The following SPON1 variants were observed in gnomAD, a reference collection of about 807,000 sequenced individuals.
SPON1 encodes spondin-1.
Under a neutral mutation model 111.7 loss-of-function variants are expected in SPON1, and 52 were observed. The observed-to-expected ratio is 0.47, with a 90% CI of 0.37 to 0.59. The LOEUF is 0.59. Ranked by LOEUF, SPON1 falls within the 20% of genes least tolerant of loss-of-function variation. SPON1 has a pLI of 0.00. For synonymous variants in SPON1, 410 were observed against 395.8 expected (o/e 1.04, Z -0.43); for missense variants, 957 against 1,068.5 (o/e 0.90, Z 1.46).
chr11:14,149,154 G>A (rs571617180), intron 6 of SPON1, among the ~76,000 whole-genome samples: 1 of 152,220 alleles, frequency 6.6e-6, no homozygotes, highest in South Asian at 2.1e-4. Flanking sequence ...TGTTATCCTA[G>A]AAGCTGAAAG....
intron 5 of SPON1, among the ~76,000 whole-genome samples, chr11:14,126,075 C>CT (rs782356393): frequency 2.0e-5 from 3 of 152,216 alleles, no homozygotes; most frequent in African/African-American, 4.8e-5. Context: ...GAGAGTCTGC[C>CT]TTTTATGTTC....
At chr11:14,231,369 G>A (rs797035763) in intron 6 of SPON1, among the ~76,000 whole-genome samples, 56 of 152,168 alleles carry the variant, frequency 3.7e-4, no homozygotes, top group African/African-American at 1.3e-3. Context: ...TCCTGACCGC[G>A]TGATCCACCT....
chr11:13,988,789 G>A (rs1415872080), intron 2 of SPON1, among the ~76,000 whole-genome samples: 1 of 152,140 alleles, frequency 6.6e-6, no homozygotes, highest in East Asian at 1.9e-4. Context: ...GGCCTTTTCT[G>A]TATCTATTGA....
In SPON1 at chr11:14,259,260, G is replaced by A. The variant is rs782322218; in HGVS notation, c.1493-20G>A. On this transcript the variant is annotated intron_variant, in intron 11 of 15. Transcript: ENST00000576479. This position sits in a 1 kb window ranked among gnomAD's most constrained non-coding sequence, Gnocchi z 5.0. Reference sequence around the variant, plus strand: ...CCCTGCCACCGTGCACTGCTGCAGCGTTCACTCGGTGTGTTGCAGACGGCT... The same window carrying A: ...CCCTGCCACCGTGCACTGCTGCAGCATTCACTCGGTGTGTTGCAGACGGCT... 1.8e-5 allele frequency: 29 copies of A among 1,596,498 alleles called. No individual in the cohort carries two copies. The highest frequency in any genetic ancestry group is 1.1e-4 in the South Asian group (10 of 87,956).
intron 2 of SPON1, among the ~76,000 whole-genome samples, chr11:13,995,468 GGAGA>G (rs1319639405): frequency 6.6e-6 from 1 of 152,164 alleles, no homozygotes; most frequent in East Asian, 1.9e-4. Flanking sequence ...TAAGGTGGCT[GGAGA>G]GAGAGAGCAA....
At chr11:14,051,315 G>T (rs929240412) in intron 3 of SPON1, among the ~76,000 whole-genome samples, 1 of 152,112 alleles carries the variant, frequency 6.6e-6, no homozygotes, top group African/African-American at 2.4e-5. Flanking sequence ...TGGGAGGATC[G>T]TTTGAGTCCA....
intron 2 of SPON1, among the ~76,000 whole-genome samples, chr11:14,025,046 A>G (rs1250744550): frequency 1.3e-5 from 2 of 152,222 alleles, no homozygotes; most frequent in African/African-American, 4.8e-5. Flanking sequence ...GCTGGTAGCA[A>G]ACTAGAGTGG....
intron 5 of SPON1, among the ~76,000 whole-genome samples, chr11:14,091,082 A>G (rs1224927241): frequency 9.2e-5 from 14 of 151,988 alleles, no homozygotes; most frequent in Admixed American, 9.2e-4. Flanking sequence ...TGTATTTACA[A>G]TCCCTGAGCT....
chr11:14,147,767 G>A (rs1554929493), intron 6 of SPON1, among the ~76,000 whole-genome samples: 1 of 90,460 alleles, frequency 1.1e-5, no homozygotes. Flanking sequence ...TTTTTTTTGA[G>A]AGGAGTCTCG....
intron 2 of SPON1, among the ~76,000 whole-genome samples, chr11:14,015,428 G>T (rs1252526551): frequency 2.0e-5 from 3 of 152,086 alleles, no homozygotes; most frequent in Non-Finnish European, 4.4e-5. Flanking sequence ...ATTTATGAGG[G>T]CTCTGCCCTC....
At chr11:14,247,326 C>T (rs1291951694) in intron 7 of SPON1, among the ~76,000 whole-genome samples, 1 of 152,196 alleles carries the variant, frequency 6.6e-6, no homozygotes, top group Admixed American at 6.5e-5. Flanking sequence ...AGGAGGATCA[C>T]TTTAGCCGAG....
chr11:14,063,151 T>C (rs1425663908), intron 3 of SPON1, among the ~76,000 whole-genome samples: 2 of 152,180 alleles, frequency 1.3e-5, no homozygotes, highest in African/African-American at 4.8e-5. Context: ...TTGTCAACCT[T>C]AGGATATAGA....
intron 3 of SPON1, among the ~76,000 whole-genome samples, chr11:14,073,007 AT>A (rs139889420): frequency 3.6e-4 from 54 of 150,180 alleles, no homozygotes; most frequent in African/African-American, 4.4e-4. Context: ...TAGATTTGTG[AT>A]TTTTTTTTTC....
intron 14 of SPON1, among the ~76,000 whole-genome samples, chr11:14,261,125 T>TAA (rs1564944289): frequency 6.6e-6 from 1 of 152,172 alleles, no homozygotes; most frequent in African/African-American, 2.4e-5. Flanking sequence ...GTGACCATTT[T>TAA]AATTCCCCAT....
intron 3 of SPON1, 40 bp from the exon 4 acceptor site, chr11:14,075,305 G>A: frequency 6.6e-7 from 1 of 1,508,706 alleles, no homozygotes; most frequent in Non-Finnish European, 9.0e-7. Context: ...CTGCCTTCCT[G>A]CCCTCCTCAC....
chr11:14,088,250 T>C (rs1180052961), intron 5 of SPON1, among the ~76,000 whole-genome samples: 1 of 152,216 alleles, frequency 6.6e-6, no homozygotes, highest in Non-Finnish European at 1.5e-5. Context: ...TTTTGTGTGT[T>C]TTTGTGGTGG....
intron 6 of SPON1, among the ~76,000 whole-genome samples, chr11:14,160,017 A>G (rs1033309895): frequency 2.6e-5 from 4 of 152,134 alleles, no homozygotes; most frequent in Middle Eastern, 3.4e-3. Flanking sequence ...ACTTAATTGT[A>G]CATTTTTAAA....
chr11:14,185,730 C>A (rs1239077441), intron 6 of SPON1, among the ~76,000 whole-genome samples: 2 of 152,262 alleles, frequency 1.3e-5, no homozygotes, highest in African/African-American at 4.8e-5. Context: ...CTCCAGACTC[C>A]TTTTGTCTTT....
intron 6 of SPON1, among the ~76,000 whole-genome samples, chr11:14,147,632 G>A (rs553284254): frequency 1.3e-5 from 2 of 151,970 alleles, no homozygotes; most frequent in East Asian, 3.9e-4. Flanking sequence ...GGCCAGGCTG[G>A]TCTCGAACTC....
Sources: gnomAD v4.1 joint callset for allele counts (sites outside exome capture counted in the v4.1 genomes callset) on GRCh38, gnomAD v4.1.1 for gene constraint, Gnocchi (gnomAD v3.1) non-coding constraint, MANE v1.5 for transcripts, NCBI Gene and HGNC (gene_info 2026-07-23, HGNC 2026-07-21) for gene names.